The following ARFGEF3 variants were observed in gnomAD, a reference collection of about 807,000 sequenced individuals.
ARFGEF3 encodes the protein ARFGEF family member 3.
ARFGEF3 carries 96 observed loss-of-function variants against 221.7 expected under a neutral mutation model. That is an observed-to-expected ratio of 0.43 (90% CI 0.37 to 0.51). ARFGEF3 has a LOEUF of 0.51. ARFGEF3 is among the 20% of genes least tolerant of loss of function. ARFGEF3 has a pLI of 0.00. For synonymous variants in ARFGEF3, 1,145 were observed against 1,126.8 expected, an observed-to-expected ratio of 1.02 and a Z score of -0.32; for missense variants, 2,410 against 2,789.9, an observed-to-expected ratio of 0.86 and a Z score of 3.07.
chr6:138,226,682 TCAG>T (rs1778090345), intron 4 of ARFGEF3, among the ~76,000 whole-genome samples: 1 of 152,256 alleles, frequency 6.6e-6, no homozygotes, highest in Non-Finnish European at 1.5e-5. Context: ...GCCAGCGTGC[TCAG>T]AATGTTAATC....
intron 2 of ARFGEF3, among the ~76,000 whole-genome samples, chr6:138,197,683 C>T (rs1777455597): frequency 2.0e-5 from 3 of 152,084 alleles, no homozygotes; most frequent in Non-Finnish European, 2.9e-5. Flanking sequence ...CACCATTGTG[C>T]GGCACATGAC....
Position 138,255,422 on chromosome 6 carries a change from C to A in ARFGEF3, c.771-14C>A. 1 of 1,556,662 alleles carries A rather than the reference C, an allele frequency of 6.4e-7. No homozygotes were observed. Among genetic ancestry groups the A allele is most frequent in the Non-Finnish European group, 8.7e-7 (1 of 1,143,120 alleles). The stretch of plus-strand genomic sequence containing the variant: ...CTCGTGGGGAAAGTTACTTTTCTCA[C>A]CATCTCTTCCCAGGAAAAACCTCTG... On this transcript the variant is annotated splice_polypyrimidine_tract_variant and intron_variant, in intron 9 of 33. Transcript: ENST00000251691.
At position 138,296,995 on chromosome 6, in the gene ARFGEF3, G is replaced by A. The variant is rs552523590; in HGVS notation, c.3648+40G>A. 1.5e-4 allele frequency: 244 copies of A among 1,580,312 alleles called. 1 individual carries two copies. In the Middle Eastern group the frequency reaches 2.2e-3, roughly 15 times the overall value. Reference sequence around the variant, plus strand: ...GGTGGGAAGAGGCTGGAACTGCTAAGTCAGTGACCAGCAGAGCCAGCATGG... The same window carrying A: ...GGTGGGAAGAGGCTGGAACTGCTAAATCAGTGACCAGCAGAGCCAGCATGG... On this transcript the variant is annotated intron_variant, in intron 21 of 33. Coordinates refer to ENST00000251691, the MANE Select transcript of ARFGEF3 (RefSeq NM_020340.5).
At chr6:138,172,737 C>T (rs9494949) in intron 2 of ARFGEF3, among the ~76,000 whole-genome samples, 8,067 of 152,130 alleles carry the variant, frequency 0.053, 649 homozygotes, top group African/African-American at 0.18. Flanking sequence ...TAAATTCTAC[C>T]TTATTATATA....
intron 29 of ARFGEF3, among the ~76,000 whole-genome samples, chr6:138,323,225 G>C (rs1012152919): frequency 3.3e-5 from 5 of 152,198 alleles, no homozygotes; most frequent in African/African-American, 1.2e-4. Flanking sequence ...ATACTGGATG[G>C]TTGAGAGACA....
intron 10 of ARFGEF3, among the ~76,000 whole-genome samples, chr6:138,258,822 C>A (rs543995426): frequency 6.6e-6 from 1 of 152,146 alleles, no homozygotes; most frequent in East Asian, 1.9e-4. Context: ...CTTTCTTTTC[C>A]CCTCAGAAAT....
intron 5 of ARFGEF3, among the ~76,000 whole-genome samples, chr6:138,238,257 G>A (rs756393849): frequency 5.9e-5 from 9 of 152,168 alleles, no homozygotes; most frequent in African/African-American, 9.7e-5. Flanking sequence ...GCTAATTTGC[G>A]TTCCCCTATG....
chr6:138,311,398 C>A lies in ARFGEF3; in HGVS notation c.4097-9C>A. On this transcript the variant is annotated splice_polypyrimidine_tract_variant and intron_variant, in intron 24 of 33. Coordinates refer to ENST00000251691, the MANE Select transcript of ARFGEF3 (RefSeq NM_020340.5). Reference sequence around the variant, plus strand: ...CACTGTTGGTCTCTGTCTCCCGTGCCGCCCCTAGGGGAGGTGGACTGTAAA... The same window carrying A: ...CACTGTTGGTCTCTGTCTCCCGTGCAGCCCCTAGGGGAGGTGGACTGTAAA... 6.3e-7 allele frequency: 1 copy of A among 1,586,594 alleles called. No individual in the cohort carries two copies. Among genetic ancestry groups the A allele is most frequent in the Non-Finnish European group, 8.6e-7 (1 of 1,163,924 alleles).
intron 3 of ARFGEF3, 147 bp from the exon 4 acceptor site, chr6:138,209,763 C>G (rs991764985): frequency 2.1e-6 from 2 of 966,754 alleles, no homozygotes; most frequent in Non-Finnish European, 3.0e-6. Flanking sequence ...TTCTTTTTAA[C>G]GGCACATAGC....
Position 138,280,075 on chromosome 6 carries a change from A to G in ARFGEF3, c.2372A>G (p.His791Arg). ...CAGGCCTGGATTGAGGAGCTCTACC[A>G]TCAGGTGCTCGACAGGAACATGCTT... ...FSQAWIEELY[H>R]QVLDRNMLGE... The change falls in exon 14 of 34, where the codon CAT becomes CGT. Residue 791 changes from histidine to arginine, a missense_variant. Coordinates refer to ENST00000251691, the MANE Select transcript of ARFGEF3 (RefSeq NM_020340.5). 1.2e-6 allele frequency: 2 copies of G among 1,613,924 alleles called. No individual in the cohort carries two copies. Among genetic ancestry groups the G allele is most frequent in the South Asian group, 1.1e-5 (1 of 91,084 alleles).
rs1778743417 is a variant in ARFGEF3 at position 138,259,211 on chromosome 6, A to G, written c.1105-2316A>G. Among the ~76,000 whole-genome samples, 3 of 152,228 alleles carry G rather than the reference A, an allele frequency of 2.0e-5. No homozygotes were observed. In the South Asian group the frequency reaches 6.2e-4, roughly 31 times the overall value. On this transcript the variant is annotated intron_variant, in intron 10 of 33. Transcript: ENST00000251691. ...ATGTGCAGGGCTTGTGCACACAAAG[A>G]AAACCACTGGGTACCCAGGATGTTT...
Position 138,334,719 on chromosome 6 carries a change from A to G in ARFGEF3, c.5873A>G (p.Lys1958Arg), listed in dbSNP as rs1333325033. Reference protein sequence around the residue: ...STPSTGGFSGKETPSEDDRSQ... With the variant: ...STPSTGGFSGRETPSEDDRSQ... Reference sequence around the variant, plus strand: ...CCATCCACCGGGGGCTTCTCTGGGAAAGAAACCCCTTCCGAGGATGACAGA... The same window carrying G: ...CCATCCACCGGGGGCTTCTCTGGGAGAGAAACCCCTTCCGAGGATGACAGA... The change falls in exon 33 of 34, where the codon AAA becomes AGA. Residue 1958 changes from lysine (K) to arginine (R), a missense_variant. Lys to Arg is a conservative substitution (Grantham distance 26, BLOSUM62 2). Around this residue, in one of 5 missense-constraint regions of ARFGEF3, gnomAD observed 339 missense variants for 334.9 expected, o/e 1.01. Coordinates refer to ENST00000251691, the MANE Select transcript of ARFGEF3 (RefSeq NM_020340.5). This position sits in a 1 kb window ranked among gnomAD's most constrained non-coding sequence, Gnocchi z 5.1. The G allele has an allele frequency of 6.2e-7, 1 of 1,609,588 alleles. No individual in the cohort carries two copies. Among genetic ancestry groups the G allele is most frequent in the Admixed American group, 1.7e-5 (1 of 59,858 alleles).
intron 8 of ARFGEF3, among the ~76,000 whole-genome samples, chr6:138,247,734 T>C (rs1223607099): frequency 6.6e-6 from 1 of 152,236 alleles, no homozygotes; most frequent in Non-Finnish European, 1.5e-5. Flanking sequence ...TAATAGACTA[T>C]TTCTTATGAT....
In ARFGEF3 at chr6:138,340,387, G is replaced by A. The variant is rs563923276; in HGVS notation, c.*3901G>A. On this transcript the variant is annotated 3_prime_UTR_variant, in exon 34 of 34. Coordinates refer to ENST00000251691, the MANE Select transcript of ARFGEF3 (RefSeq NM_020340.5). ...GTGAGTTGAGAGTCAAGTAGCCTTC[G>A]CTGTGAGACGGTAATGCAGTTATAT... 6.6e-5 allele frequency: 10 copies of A among 152,100 alleles called. No homozygotes were observed. Among genetic ancestry groups the A allele is most frequent in the African/African-American group, 1.2e-4 (5 of 41,414 alleles). 9.4% of individuals were successfully genotyped at this position (152,100 alleles called of 1,614,324 possible).
Position 138,334,655 on chromosome 6 carries a change from T to C in ARFGEF3, c.5809T>C (p.Phe1937Leu). The change falls in exon 33 of 34, where the codon TTC becomes CTC. Residue 1937 changes from phenylalanine to leucine, a missense_variant. Transcript: ENST00000251691. The surrounding 1 kb of genome is among the most constrained non-coding windows in gnomAD (Gnocchi z 5.1). ...EEPPIFKGDP[F>L]FILPSFQSES... ...GCCTCCCATCTTCAAGGGCGACCCGTTCTTCATCCTGCCCTCCTTCCAGTC... is the reference window on the plus strand; with the variant it reads ...GCCTCCCATCTTCAAGGGCGACCCGCTCTTCATCCTGCCCTCCTTCCAGTC... 4 of 1,613,530 alleles carry C rather than the reference T, an allele frequency of 2.5e-6. No individual in the cohort carries two copies. The highest frequency in any genetic ancestry group is 3.4e-6 in the Non-Finnish European group (4 of 1,179,704).
At chr6:138,234,438 TG>T (rs1306472751) in intron 5 of ARFGEF3, among the ~76,000 whole-genome samples, 1 of 152,078 alleles carries the variant, frequency 6.6e-6, no homozygotes, top group African/African-American at 2.4e-5. Context: ...CTTAGACAGC[TG>T]TTTCCTAGAA....
chr6:138,287,434 AG>A (rs1779318094), intron 17 of ARFGEF3, among the ~76,000 whole-genome samples: 1 of 152,228 alleles, frequency 6.6e-6, no homozygotes, highest in Admixed American at 6.5e-5. Context: ...CAGCAGGCCC[AG>A]GGGGACCCAC....
intron 1 of ARFGEF3, among the ~76,000 whole-genome samples, chr6:138,169,977 T>G (rs1009535144): frequency 3.3e-5 from 5 of 152,212 alleles, no homozygotes; most frequent in African/African-American, 1.2e-4. Flanking sequence ...CAACACAATT[T>G]CAGCTGCAAG....
At chr6:138,193,001 C>T (rs1391029287) in intron 2 of ARFGEF3, among the ~76,000 whole-genome samples, 1 of 152,022 alleles carries the variant, frequency 6.6e-6, no homozygotes, top group Admixed American at 6.6e-5. Context: ...TTACATTATT[C>T]CTTTGATTAA....
Sources: gnomAD v4.1 joint callset for allele counts (sites outside exome capture counted in the v4.1 genomes callset) on GRCh38, gnomAD v4.1.1 for gene constraint, gnomAD v4.1.1 regional missense constraint, Gnocchi (gnomAD v3.1) non-coding constraint, MANE v1.5 for transcripts, NCBI Gene and HGNC (gene_info 2026-07-23, HGNC 2026-07-21) for gene names.